The following ATAD2 variants were observed in gnomAD, a reference collection of about 807,000 sequenced individuals.
The protein encoded by ATAD2 is ATPase family AAA domain containing 2.
A neutral mutation model predicts 168.9 loss-of-function variants in ATAD2; 62 were observed. The ratio of observed to expected loss-of-function variants is 0.37; its 90% CI spans 0.30 to 0.45. ATAD2 has a LOEUF of 0.45. ATAD2 is among the 20% of genes least tolerant of loss of function. The pLI, the probability that ATAD2 is intolerant of heterozygous loss-of-function variation, is 1.00. For missense variants in ATAD2, 1,419 were observed against 1,667.8 expected, an observed-to-expected ratio of 0.85 and a Z score of 2.60; for synonymous variants, 613 against 571.6, an observed-to-expected ratio of 1.07 and a Z score of -1.03.
intron 1 of ATAD2, chr8:123,401,830 G>A: frequency 1.3e-6 from 1 of 758,952 alleles, no homozygotes; most frequent in Admixed American, 1.7e-5. Flanking sequence ...CCATGGAGAA[G>A]AGCAGCAGCA....
chr8:123,379,779 C>A (rs1298405432), intron 2 of ATAD2, among the ~76,000 whole-genome samples: 2 of 151,118 alleles, frequency 1.3e-5, no homozygotes, highest in Admixed American at 6.6e-5. Context: ...CATATTGGCC[C>A]GGCTGGTCTC....
chr8:123,385,880 A>G (rs769923299), intron 1 of ATAD2, among the ~76,000 whole-genome samples: 13 of 152,156 alleles, frequency 8.5e-5, no homozygotes, highest in Non-Finnish European at 1.8e-4. Flanking sequence ...AAATAAGCAA[A>G]AGATGTGAAT....
intron 19 of ATAD2, among the ~76,000 whole-genome samples, chr8:123,341,028 C>A (rs568585349): frequency 6.6e-6 from 1 of 151,938 alleles, no homozygotes; most frequent in African/African-American, 2.4e-5. Context: ...CTGCAGCCCC[C>A]ACCTCCCAGA....
At chr8:123,367,593 G>A (rs2129717388) in intron 8 of ATAD2, among the ~76,000 whole-genome samples, 1 of 152,224 alleles carries the variant, frequency 6.6e-6, no homozygotes, top group East Asian at 1.9e-4. Context: ...CTTTTCTGAA[G>A]ATCATTACAT....
intron 10 of ATAD2, 59 bp downstream of exon 10, chr8:123,359,518 T>C: frequency 4.1e-6 from 6 of 1,478,234 alleles, no homozygotes; most frequent in Non-Finnish European, 5.6e-6. Flanking sequence ...TTTTTTAACT[T>C]TAAAACTAAA....
intron 19 of ATAD2, among the ~76,000 whole-genome samples, chr8:123,343,298 C>T (rs534854839): frequency 2.0e-5 from 3 of 152,176 alleles, no homozygotes; most frequent in African/African-American, 7.2e-5. Flanking sequence ...CTTACTGAGG[C>T]CTTACCTAGC....
chr8:123,325,030 T>C (rs34847269), intron 26 of ATAD2, among the ~76,000 whole-genome samples: 1 of 151,566 alleles, frequency 6.6e-6, no homozygotes, highest in South Asian at 2.1e-4. Flanking sequence ...GGCAACACAG[T>C]GAGACTTTGT....
chr8:123,394,121 A>G (rs1185293757), intron 1 of ATAD2, among the ~76,000 whole-genome samples: 5 of 151,660 alleles, frequency 3.3e-5, no homozygotes, highest in Non-Finnish European at 7.4e-5. Context: ...CGGAGTGGCC[A>G]TTAACTAAAA....
chr8:123,344,782 T>G, intron 19 of ATAD2, 102 bp downstream of exon 19: 4 of 1,287,276 alleles, frequency 3.1e-6, no homozygotes, highest in Non-Finnish European at 4.4e-6. Flanking sequence ...ACTTATCCTT[T>G]TATTCACTTC....
intron 1 of ATAD2, among the ~76,000 whole-genome samples, chr8:123,408,317 A>C (rs1022539940): frequency 1.3e-5 from 2 of 152,128 alleles, no homozygotes; most frequent in African/African-American, 4.8e-5. Flanking sequence ...AGGGAAATAC[A>C]CTTCATTTCC....
At position 123,387,924 on chromosome 8, in the gene ATAD2, T is replaced by G. The variant is rs1829690972; in HGVS notation, c.172-7247A>C. On this transcript the variant is annotated intron_variant, in intron 1 of 27. Transcript: ENST00000287394. Reference sequence around the variant, plus strand: ...CAAATATCAACAAATGAGGTTGAAATAGGATGTACTCAACACAAATTTAGG... The same window carrying G: ...CAAATATCAACAAATGAGGTTGAAAGAGGATGTACTCAACACAAATTTAGG... Among the ~76,000 whole-genome samples the G allele has an allele frequency of 2.6e-5, 4 of 152,232 alleles. No individual in the cohort carries two copies. In the South Asian group the frequency reaches 8.3e-4, roughly 32 times the overall value.
At position 123,370,977 on chromosome 8, in the gene ATAD2, A is replaced by G. The variant is rs747048970; in HGVS notation, c.653T>C (p.Met218Thr). The G allele has an allele frequency of 1.3e-6, 2 of 1,581,808 alleles. No individual in the cohort carries two copies. Among genetic ancestry groups the G allele is most frequent in the Admixed American group, 1.9e-5 (1 of 53,528 alleles). Residue 218 changes from methionine (M) to threonine (T), a missense_variant, in exon 6 of 28, where the codon ATG becomes ACG. This residue lies in a region of ATAD2 where 419 missense variants were observed against 423.5 expected (regional missense o/e 0.99). Transcript: ENST00000287394. ...FNETEESNLN[M>T]YTRGKQKDIQ... is the part of the protein sequence containing the mutation. Reference sequence around the variant, plus strand: ...ATCTTTCTGTTTTCCTCTTGTGTACATATTAAGATTGCTCTAAAAATGTTT... The same window carrying G: ...ATCTTTCTGTTTTCCTCTTGTGTACGTATTAAGATTGCTCTAAAAATGTTT...
chr8:123,392,750 G>A (rs1812640769), intron 1 of ATAD2, among the ~76,000 whole-genome samples: 1 of 152,166 alleles, frequency 6.6e-6, no homozygotes, highest in Non-Finnish European at 1.5e-5. Context: ...GGAATAGAGT[G>A]CGTTTTGTAA....
At chr8:123,405,415 C>G (rs907199560) in intron 1 of ATAD2, among the ~76,000 whole-genome samples, 4 of 101,812 alleles carry the variant, frequency 3.9e-5, no homozygotes, top group African/African-American at 1.5e-4. Flanking sequence ...CACCATGAAG[C>G]CTGGCTTTTT....
intron 15 of ATAD2, 191 bp downstream of exon 15, chr8:123,347,992 T>A: frequency 1.6e-6 from 1 of 636,238 alleles, no homozygotes; most frequent in Non-Finnish European, 2.8e-6. Flanking sequence ...GAGAAGAAAA[T>A]GCCACAAATA....
At chr8:123,358,723 CTTTTTT>C (rs772822406) in intron 11 of ATAD2, among the ~76,000 whole-genome samples, 1 of 76,840 alleles carries the variant, frequency 1.3e-5, no homozygotes, top group Admixed American at 1.7e-4. Flanking sequence ...TGGTACATTA[CTTTTTT>C]TTTTTTTTTT....
rs1828367087 is a variant in ATAD2 at position 123,349,211 on chromosome 8, T to C, written c.1806+74A>G. 2.1e-6 allele frequency: 3 copies of C among 1,450,668 alleles called. No individual in the cohort carries two copies. In the African/African-American group the frequency reaches 4.3e-5, roughly 21 times the overall value. The allele number at this position is 1,450,668 out of a possible 1,614,324, so 89.9% of individuals were successfully genotyped here. On this transcript the variant is annotated intron_variant, in intron 14 of 27. Coordinates refer to ENST00000287394, the MANE Select transcript of ATAD2 (RefSeq NM_014109.4). ...TACAAAACTCAAGAATCTCCAAATT[T>C]TTACTATACCAAGACTTATTATTAA...
chr8:123,389,133 AT>A (rs71310669), intron 1 of ATAD2, among the ~76,000 whole-genome samples: 1,371 of 129,532 alleles, frequency 0.011, 24 homozygotes, highest in African/African-American at 0.037. Context: ...CGCCCGGCTA[AT>A]TTTTTTTTTT....
chr8:123,393,081 A>AGGCTGAAGCAGGAGAAT (rs766279794), intron 1 of ATAD2, among the ~76,000 whole-genome samples: 46 of 150,850 alleles, frequency 3.0e-4, no homozygotes, highest in Non-Finnish European at 4.4e-4. Context: ...CTACTCCGGG[A>AGGCTGAAGCAGGAGAAT]GGCTGAAGCA....
Sources: gnomAD v4.1 joint callset for allele counts (sites outside exome capture counted in the v4.1 genomes callset) on GRCh38, gnomAD v4.1.1 for gene constraint, gnomAD v4.1.1 regional missense constraint, MANE v1.5 for transcripts, NCBI Gene and HGNC (gene_info 2026-07-23, HGNC 2026-07-21) for gene names.